The following VPS13C variants were observed in gnomAD, a reference collection of about 807,000 sequenced individuals.
VPS13C encodes vacuolar protein sorting 13 homolog C, also known as intermembrane lipid transfer protein VPS13C.
In VPS13C, 358 loss-of-function variants were observed where a neutral mutation model predicts 456.8. The observed-to-expected ratio is 0.78, with a 90% confidence interval of 0.72 to 0.86. The LOEUF is 0.86. Ranked by LOEUF, VPS13C falls within the 40% of genes least tolerant of loss-of-function variation. The probability of loss-of-function intolerance (pLI) is 0.00; values close to 1 mark genes in which losing one functional copy is unlikely to be tolerated. For synonymous variants in VPS13C, 1,578 were observed against 1,486.7 expected (o/e 1.06, Z -1.41); for missense variants, 4,818 against 4,385.4 (o/e 1.10, Z -2.79).
At chr15:61,873,577 T>C (rs1895190263) in intron 77 of VPS13C, among the ~76,000 whole-genome samples, 168 bp from the exon 78 acceptor site, 1 of 151,908 alleles carries the variant, frequency 6.6e-6, no homozygotes, top group African/African-American at 2.4e-5. Flanking sequence ...ATGTTCAAGA[T>C]CAATAATCAT....
At chr15:61,916,990 A>C (rs954535705) in intron 60 of VPS13C, among the ~76,000 whole-genome samples, 3 of 152,176 alleles carry the variant, frequency 2.0e-5, no homozygotes, top group Non-Finnish European at 4.4e-5. Context: ...CAAAAAGCCA[A>C]ACTGCCTAGG....
chr15:61,869,437 A>G lies in VPS13C; in HGVS notation c.10748+63T>C, dbSNP rs1009257554. The G allele has an allele frequency of 1.1e-5, 18 of 1,571,962 alleles. No homozygotes were observed. The Admixed American group carries it at 3.1e-4, about 27-fold the overall frequency. On this transcript the variant is annotated intron_variant, in intron 80 of 84. Transcript: ENST00000644861. ...AGCAGGCAAATAATCTAATCTATTTATGTATTCCTTGTAATAATTAGCACA... is the reference window on the plus strand; with the variant it reads ...AGCAGGCAAATAATCTAATCTATTTGTGTATTCCTTGTAATAATTAGCACA...
intron 15 of VPS13C, among the ~76,000 whole-genome samples, chr15:62,004,945 A>G (rs374667142): frequency 0.012 from 1,843 of 151,988 alleles, 45 homozygotes; most frequent in African/African-American, 0.039. Flanking sequence ...TTCCAAGTAT[A>G]TGGTCAATTT....
chr15:61,913,462 T>C (rs370596836), intron 61 of VPS13C, 47 bp from the exon 62 acceptor site: 8 of 1,497,372 alleles, frequency 5.3e-6, no homozygotes, highest in African/African-American at 1.4e-5. Flanking sequence ...TAAAACACTA[T>C]AATAATTTTA....
chr15:61,941,679 T>A, intron 46 of VPS13C, 84 bp downstream of exon 46: 1 of 1,405,136 alleles, frequency 7.1e-7, no homozygotes, highest in Middle Eastern at 2.6e-4. Flanking sequence ...AACCACAAAT[T>A]ACTACAACAT....
At chr15:61,970,884 A>C (rs1394015435) in intron 27 of VPS13C, among the ~76,000 whole-genome samples, 1 of 148,872 alleles carries the variant, frequency 6.7e-6, no homozygotes, top group East Asian at 2.0e-4. Context: ...AAAAAAAATC[A>C]AGCCATGCAG....
chr15:61,955,669 C>A (rs933150475), intron 37 of VPS13C, among the ~76,000 whole-genome samples: 2 of 151,910 alleles, frequency 1.3e-5, no homozygotes, highest in African/African-American at 4.8e-5. Flanking sequence ...CCAGAATAGG[C>A]AAAGATTTTT....
At chr15:61,986,641 T>C (rs1484577139) in intron 18 of VPS13C, among the ~76,000 whole-genome samples, 1 of 151,972 alleles carries the variant, frequency 6.6e-6, no homozygotes, top group African/African-American at 2.4e-5. Context: ...CAGTAAGAAG[T>C]CCAAACAGTA....
intron 63 of VPS13C, 96 bp downstream of exon 63, chr15:61,911,744 A>C (rs1467516929): frequency 1.7e-6 from 2 of 1,145,158 alleles, no homozygotes; most frequent in African/African-American, 3.2e-5. Context: ...ACACATAAAT[A>C]TGATAGTCTG....
intron 66 of VPS13C, among the ~76,000 whole-genome samples, chr15:61,892,830 G>T (rs1308420087): frequency 6.6e-6 from 1 of 152,192 alleles, no homozygotes; most frequent in Non-Finnish European, 1.5e-5. Flanking sequence ...CTGGAATGAT[G>T]AAATAAATTT....
chr15:61,854,962 A>G lies in VPS13C; in HGVS notation c.11077-8T>C. 3 of 1,583,078 alleles carry G rather than the reference A, an allele frequency of 1.9e-6. No homozygotes were observed. The highest frequency in any genetic ancestry group is 2.6e-6 in the Non-Finnish European group (3 of 1,171,760). On this transcript the variant is annotated splice_region_variant and splice_polypyrimidine_tract_variant and intron_variant, in intron 83 of 84. Transcript: ENST00000644861. ...GTGGAACAGACCCTGTTCCTGTTTC[A>G]AAAGAAACAATGACAGAAAAGAAAT...
intron 66 of VPS13C, among the ~76,000 whole-genome samples, chr15:61,900,108 T>C (rs970518126): frequency 1.3e-5 from 2 of 152,130 alleles, no homozygotes; most frequent in African/African-American, 2.4e-5. Flanking sequence ...TGATGGGACG[T>C]ATTTCAAAAT....
At chr15:62,003,311 C>T (rs951325704) in intron 15 of VPS13C, among the ~76,000 whole-genome samples, 1 of 150,928 alleles carries the variant, frequency 6.6e-6, no homozygotes, top group Non-Finnish European at 1.5e-5. Context: ...CATGATTTGG[C>T]TCTCCGTTTG....
chr15:61,902,168 A>G (rs1246019007), intron 66 of VPS13C, among the ~76,000 whole-genome samples: 2 of 150,966 alleles, frequency 1.3e-5, no homozygotes, highest in Admixed American at 6.6e-5. Context: ...GCTAGATGAC[A>G]AGTTAGTGGG....
chr15:61,960,803 C>T (rs1177648333), intron 35 of VPS13C, among the ~76,000 whole-genome samples: 1 of 152,128 alleles, frequency 6.6e-6, no homozygotes, highest in Non-Finnish European at 1.5e-5. Context: ...TGGCCTGGTG[C>T]GATGGCTCAT....
intron 17 of VPS13C, 106 bp downstream of exon 17, chr15:61,991,567 T>C (rs1218647535): frequency 7.6e-7 from 1 of 1,313,732 alleles, no homozygotes; most frequent in Non-Finnish European, 1.0e-6. Flanking sequence ...ACTGAGGTAA[T>C]TTATTTCAAA....
chr15:61,949,252 C>T (rs2044706284), intron 42 of VPS13C, among the ~76,000 whole-genome samples, 191 bp downstream of exon 42: 1 of 151,914 alleles, frequency 6.6e-6, no homozygotes, highest in South Asian at 2.1e-4. Context: ...TAATATTAAA[C>T]AACATCTATT....
At position 61,901,579 on chromosome 15, in the gene VPS13C, T is replaced by G. The variant is rs1336405589; in HGVS notation, c.9105+5685A>C. 6.6e-5 allele frequency among the ~76,000 whole-genome samples: 10 copies of G among 152,132 alleles called. No individual in the cohort carries two copies. The South Asian group carries it at 1.9e-3, about 28-fold the overall frequency. ...CCAATGAGATACCATCTCACACCAG[T>G]TAGAATGGCAATCATTAAAAAGTCA... is the stretch of plus-strand genomic sequence containing the variant. On this transcript the variant is annotated intron_variant, in intron 66 of 84. Transcript: ENST00000644861.
intron 1 of VPS13C, among the ~76,000 whole-genome samples, chr15:62,056,587 G>T (rs995031701): frequency 6.6e-6 from 1 of 152,100 alleles, no homozygotes; most frequent in African/African-American, 2.4e-5. Flanking sequence ...CCCTTTCCCC[G>T]GGGGAGTTTA....
Sources: gnomAD v4.1 joint callset for allele counts (sites outside exome capture counted in the v4.1 genomes callset) on GRCh38, gnomAD v4.1.1 for gene constraint, MANE v1.5 for transcripts, NCBI Gene and HGNC (gene_info 2026-07-23, HGNC 2026-07-21) for gene names.